Variants in ADAMTS17 observed in about 807,000 individuals in gnomAD.
ADAMTS17 encodes the protein ADAM metallopeptidase with thrombospondin type 1 motif 17.
A neutral mutation model predicts 141.5 loss-of-function variants in ADAMTS17; 113 were observed. The observed-to-expected ratio is 0.80, with a 90% CI of 0.69 to 0.93. The LOEUF (loss-of-function observed/expected upper bound fraction) is 0.93. Among genes scored for constraint, ADAMTS17 ranks in the 40% least tolerant of loss-of-function variants. ADAMTS17 has a pLI of 0.00. For missense variants in ADAMTS17, 1,659 were observed against 1,517.9 expected (o/e 1.09, Z -1.54); for synonymous variants, 768 against 630.6 (o/e 1.22, Z -3.27).
chr15:100,212,803 A>C (rs1429465068), intron 7 of ADAMTS17, among the ~76,000 whole-genome samples: 1 of 143,800 alleles, frequency 7.0e-6, no homozygotes, highest in Non-Finnish European at 1.5e-5. Context: ...CAACAATGTC[A>C]CTTGTAAAAG....
At chr15:100,222,118 C>T (rs2042152521) in intron 7 of ADAMTS17, among the ~76,000 whole-genome samples, 1 of 152,178 alleles carries the variant, frequency 6.6e-6, no homozygotes, top group Non-Finnish European at 1.5e-5. Flanking sequence ...TCAGCTGCAA[C>T]CCAGCAATTT....
At chr15:100,187,866 G>A (rs1331038204) in intron 8 of ADAMTS17, among the ~76,000 whole-genome samples, 4 of 152,204 alleles carry the variant, frequency 2.6e-5, no homozygotes, top group Non-Finnish European at 5.9e-5. Flanking sequence ...AAAAAGGCAA[G>A]AGAGCAAAGT....
chr15:100,261,636 C>T lies in ADAMTS17; in HGVS notation c.874G>A (p.Ala292Thr). Residue 292 changes from alanine (A) to threonine (T), a missense_variant and splice_region_variant, in exon 6 of 22, where the codon GCT becomes ACT. Physicochemically the swap from Ala to Thr is moderately conservative, Grantham distance 58 (BLOSUM62 0). Transcript: ENST00000268070. ...CCATGGTGCCCAATGGACAACTTAG[C>T]CTAAAAAAAGTCAGAGGACAGTTAG... is the stretch of plus-strand genomic sequence containing the variant. The part of the protein sequence containing the change: ...TKLVLLRQRP[A>T]KLSIGHHGER... 2 of 1,613,474 alleles carry T rather than the reference C, an allele frequency of 1.2e-6. No homozygotes were observed. Among genetic ancestry groups the T allele is most frequent in the Non-Finnish European group, 8.5e-7 (1 of 1,179,776 alleles).
At chr15:100,005,730 T>C (rs2061024913) in intron 18 of ADAMTS17, among the ~76,000 whole-genome samples, 1 of 152,172 alleles carries the variant, frequency 6.6e-6, no homozygotes, top group Non-Finnish European at 1.5e-5. Context: ...CAACCTGTAT[T>C]AGTTTGCTAG....
intron 8 of ADAMTS17, among the ~76,000 whole-genome samples, chr15:100,165,829 C>T (rs1050987413): frequency 2.0e-5 from 3 of 152,138 alleles, no homozygotes; most frequent in African/African-American, 7.2e-5. Context: ...AACCTCTGCC[C>T]CCCCTCAGGA....
chr15:100,186,149 T>C (rs569845794), intron 8 of ADAMTS17, among the ~76,000 whole-genome samples: 48 of 152,264 alleles, frequency 3.2e-4, no homozygotes, highest in Non-Finnish European at 4.9e-4. Flanking sequence ...GTGAAGGAAG[T>C]AGGGACAGAT....
intron 4 of ADAMTS17, among the ~76,000 whole-genome samples, chr15:100,265,707 C>A (rs2043690323): frequency 6.6e-6 from 1 of 152,218 alleles, no homozygotes; most frequent in African/African-American, 2.4e-5. Context: ...CCCCCCAGAG[C>A]CACACAGGGA....
At chr15:100,258,438 C>G (rs1596378950) in intron 6 of ADAMTS17, among the ~76,000 whole-genome samples, 1 of 152,158 alleles carries the variant, frequency 6.6e-6, no homozygotes, top group African/African-American at 2.4e-5. Flanking sequence ...AAGACATACT[C>G]AAGACTGGGA....
At chr15:100,127,093 G>T (rs1051710396) in intron 12 of ADAMTS17, among the ~76,000 whole-genome samples, 1 of 152,146 alleles carries the variant, frequency 6.6e-6, no homozygotes, top group Admixed American at 6.5e-5. Flanking sequence ...AGGGTCCTGG[G>T]GTTAGAATGC....
chr15:100,084,201 C>T (rs977391466), intron 15 of ADAMTS17, among the ~76,000 whole-genome samples: 13 of 152,306 alleles, frequency 8.5e-5, no homozygotes, highest in Middle Eastern at 3.4e-3. Flanking sequence ...TTATATCCCG[C>T]GCATGGCTGG....
chr15:100,218,776 A>G (rs571572879), intron 7 of ADAMTS17, among the ~76,000 whole-genome samples: 2 of 151,816 alleles, frequency 1.3e-5, no homozygotes, highest in South Asian at 4.2e-4. Flanking sequence ...TCAAACATGA[A>G]TATTTATGGA....
chr15:100,127,892 G>GTT lies in ADAMTS17; in HGVS notation c.1721+4113_1721+4114dup, dbSNP rs60291834. 6.4e-3 allele frequency among the ~76,000 whole-genome samples: 945 copies of GTT among 147,856 alleles called. 5 individuals carry two copies. The highest frequency in any genetic ancestry group is 0.014 in the Middle Eastern group (4 of 290). On this transcript the variant is annotated intron_variant, in intron 12 of 21. Transcript: ENST00000268070. ...CCACTGGGCTCGGCCCCCTGATAAA[G>GTT]TTTTTTTTTTTTTCTGTACAATGAA...
intron 8 of ADAMTS17, among the ~76,000 whole-genome samples, chr15:100,177,083 G>A (rs939775095): frequency 6.6e-6 from 1 of 152,180 alleles, no homozygotes; most frequent in Non-Finnish European, 1.5e-5. Flanking sequence ...ATATTCATGT[G>A]CAAGTTTTTG....
At chr15:100,192,035 A>C (rs900191895) in intron 8 of ADAMTS17, among the ~76,000 whole-genome samples, 69 of 152,350 alleles carry the variant, frequency 4.5e-4, no homozygotes, top group African/African-American at 1.6e-3. Flanking sequence ...ATACCCATAA[A>C]AATTAAAAAT....
At chr15:100,179,194 C>G (rs2040438966) in intron 8 of ADAMTS17, among the ~76,000 whole-genome samples, 1 of 152,086 alleles carries the variant, frequency 6.6e-6, no homozygotes. Flanking sequence ...AGTTTTTGTA[C>G]CCATTAACTA....
intron 15 of ADAMTS17, among the ~76,000 whole-genome samples, chr15:100,074,796 T>C (rs759783235): frequency 2.0e-5 from 3 of 152,168 alleles, no homozygotes. Context: ...AGAGGCACGA[T>C]TGGGAAATTT....
At chr15:100,173,366 C>A (rs557322924) in intron 8 of ADAMTS17, among the ~76,000 whole-genome samples, 2 of 152,108 alleles carry the variant, frequency 1.3e-5, no homozygotes, top group Non-Finnish European at 2.9e-5. Context: ...TGAGAGAGAA[C>A]AGTCGATTTA....
At chr15:100,268,243 C>T (rs1019167179) in intron 4 of ADAMTS17, among the ~76,000 whole-genome samples, 9 of 152,016 alleles carry the variant, frequency 5.9e-5, no homozygotes, top group South Asian at 2.1e-4. Flanking sequence ...CTATTGTGAA[C>T]GGTGCTGTAA....
Position 100,281,214 on chromosome 15 carries a change from C to T in ADAMTS17, c.789+15G>A, listed in dbSNP as rs374137320. 7.9e-5 allele frequency: 127 copies of T among 1,602,104 alleles called. No homozygotes were observed. In the East Asian group the frequency reaches 8.9e-4, roughly 11 times the overall value. On this transcript the variant is annotated intron_variant, in intron 4 of 21. Transcript: ENST00000268070. ...AACAGAGCCCCCCACATCAGGACCC[C>T]GGCTCCGGACTCACCATGTTCATGA...
Sources: allele counts gnomAD v4.1 joint callset (sites outside exome capture counted in the v4.1 genomes callset), GRCh38; gene constraint gnomAD v4.1.1; transcripts MANE v1.5; gene names NCBI Gene and HGNC (gene_info 2026-07-23, HGNC 2026-07-21).